NTRK3: variants seen among roughly 807,000 people sequenced by gnomAD.
The protein encoded by NTRK3 is neurotrophic receptor tyrosine kinase 3, also known as NT-3 growth factor receptor.
Under a neutral mutation model 91.7 loss-of-function variants are expected in NTRK3, and 24 were observed. That is an observed-to-expected ratio of 0.26 (90% CI 0.19 to 0.37). NTRK3 has a LOEUF of 0.37. Among genes scored for constraint, NTRK3 ranks in the 10% least tolerant of loss-of-function variants. The pLI is 1.00. For missense variants in NTRK3, 880 were observed against 1,068.9 expected, an observed-to-expected ratio of 0.82 and a Z score of 2.46; for synonymous variants, 483 against 404.0, an observed-to-expected ratio of 1.20 and a Z score of -2.34.
At chr15:88,012,000 C>T (rs913130728) in intron 14 of NTRK3, among the ~76,000 whole-genome samples, 2 of 152,190 alleles carry the variant, frequency 1.3e-5, no homozygotes, top group African/African-American at 4.8e-5. Context: ...ATTAGTCCCA[C>T]CTTATGACAG....
intron 6 of NTRK3, among the ~76,000 whole-genome samples, chr15:88,138,216 A>C (rs79072585): frequency 1.5e-3 from 235 of 151,828 alleles, no homozygotes; most frequent in African/African-American, 5.4e-3. Flanking sequence ...ATCCGGATTA[A>C]CACTGTGAAA....
chr15:88,076,891 G>C lies in NTRK3; in HGVS notation c.1397-43846C>G, dbSNP rs576709059. ...GTGGATCACCTGAGGTCAGGAGTTT[G>C]AGACCAGCCTGGTGAACATGGTGAA... On this transcript the variant is annotated intron_variant, in intron 13 of 18. Coordinates refer to ENST00000394480, the Ensembl canonical transcript of NTRK3. Among the ~76,000 whole-genome samples the C allele has an allele frequency of 3.1e-4, 47 of 152,140 alleles. No homozygotes were observed. The South Asian group carries it at 3.3e-3, about 11-fold the overall frequency.
At chr15:88,198,640 G>T (rs946433329) in intron 3 of NTRK3, among the ~76,000 whole-genome samples, 6 of 152,164 alleles carry the variant, frequency 3.9e-5, no homozygotes, top group African/African-American at 1.4e-4. Context: ...TGACAACAAA[G>T]TCTGCTGCAT....
chr15:88,248,462 T>A (rs1053084433), intron 3 of NTRK3, among the ~76,000 whole-genome samples: 1 of 152,226 alleles, frequency 6.6e-6, no homozygotes. Flanking sequence ...TAAATGATTC[T>A]CCTAGACTTT....
intron 13 of NTRK3, among the ~76,000 whole-genome samples, chr15:88,075,514 G>A (rs141793889): frequency 6.4e-4 from 98 of 152,226 alleles, no homozygotes; most frequent in African/African-American, 2.2e-3. Flanking sequence ...TCCCTAAAGA[G>A]GACCCCAGCA....
chr15:88,172,975 T>C (rs1208981165), intron 5 of NTRK3, among the ~76,000 whole-genome samples: 1 of 152,154 alleles, frequency 6.6e-6, no homozygotes, highest in African/African-American at 2.4e-5. Flanking sequence ...TTTACTTTCT[T>C]TGGAGGCAGC....
At chr15:88,127,107 G>C in intron 12 of NTRK3, 55 bp downstream of exon 12, 2 of 1,441,916 alleles carry the variant, frequency 1.4e-6, no homozygotes, top group Non-Finnish European at 1.9e-6. Context: ...CACAAATGAA[G>C]TCTGAAAATG....
chr15:88,017,081 C>T (rs1050401462), intron 14 of NTRK3, among the ~76,000 whole-genome samples: 5 of 151,910 alleles, frequency 3.3e-5, no homozygotes, highest in Admixed American at 1.3e-4. Context: ...TTCTGATCTA[C>T]CTTGCACCAA....
chr15:87,990,749 T>C (rs2075224216), intron 14 of NTRK3, among the ~76,000 whole-genome samples: 1 of 152,172 alleles, frequency 6.6e-6, no homozygotes, highest in African/African-American at 2.4e-5. Context: ...TGTACAGAAA[T>C]CTATATATGT....
chr15:88,141,258 ACG>A (rs1415530744), intron 6 of NTRK3, among the ~76,000 whole-genome samples: 3 of 152,304 alleles, frequency 2.0e-5, no homozygotes, highest in Non-Finnish European at 4.4e-5. Flanking sequence ...AAAAAATGAG[ACG>A]AACATAATAG....
rs527896495 is a variant in NTRK3 at position 88,039,011 on chromosome 15, G to A, written c.1397-5966C>T. Among the ~76,000 whole-genome samples, 21 of 152,130 alleles carry A rather than the reference G, an allele frequency of 1.4e-4. No individual in the cohort carries two copies. In the East Asian group the frequency reaches 3.9e-3, roughly 28 times the overall value. ...ATAGTGAAGGAGGGAAAAGTAATAG[G>A]GGGAAAAATATCTCAACTGTCTGGG... On this transcript the variant is annotated intron_variant, in intron 13 of 18. Coordinates refer to ENST00000394480, the Ensembl canonical transcript of NTRK3.
intron 17 of NTRK3, among the ~76,000 whole-genome samples, chr15:87,910,640 A>G (rs1596206296): frequency 6.6e-6 from 1 of 152,332 alleles, no homozygotes; most frequent in East Asian, 1.9e-4. Flanking sequence ...ATGTGAGTGC[A>G]TGAGGTTTGC....
intron 5 of NTRK3, among the ~76,000 whole-genome samples, chr15:88,166,136 C>T (rs551646215): frequency 6.6e-6 from 1 of 152,150 alleles, no homozygotes; most frequent in Non-Finnish European, 1.5e-5. Context: ...ACCCTGGGAG[C>T]TCTGGTCTGG....
intron 3 of NTRK3, among the ~76,000 whole-genome samples, chr15:88,236,615 A>G (rs1374884079): frequency 1.3e-5 from 2 of 150,782 alleles, no homozygotes; most frequent in Admixed American, 6.6e-5. Context: ...ACAGAGGGAT[A>G]TAATGGACTT....
chr15:87,865,853 A>C (rs2064658132), exon 19 of NTRK3: 1 of 228,884 alleles, frequency 4.4e-6, no homozygotes, highest in Non-Finnish European at 8.7e-6. Context: ...TTTTTAGAGC[A>C]TTCTCCATCA....
intron 13 of NTRK3, among the ~76,000 whole-genome samples, chr15:88,069,123 G>C (rs1025552492): frequency 3.9e-5 from 6 of 152,202 alleles, no homozygotes; most frequent in Admixed American, 3.3e-4. Context: ...CTCAGATCTT[G>C]AAACTTCAGT....
rs998252445 is a variant in NTRK3, at chr15:88,124,449, C to T, written c.1396+1822G>A. Among the ~76,000 whole-genome samples the T allele has an allele frequency of 3.9e-5, 6 of 152,352 alleles. No individual in the cohort carries two copies. In the South Asian group the frequency reaches 1.0e-3, roughly 26 times the overall value. On this transcript the variant is annotated intron_variant, in intron 13 of 18. Transcript: ENST00000394480. ...AATTAATAGGAAAAATCTGCTCTTA[C>T]AGCACTGCCAAGCATGTCGCAGGGT...
At chr15:88,137,968 T>C (rs7175374) in intron 6 of NTRK3, among the ~76,000 whole-genome samples, 40,165 of 150,020 alleles carry the variant, frequency 0.27, 5,390 homozygotes, top group Non-Finnish European at 0.29. Context: ...GGAGAATCGC[T>C]TGAACCCAGG....
chr15:87,878,823 T>A (rs924320446), intron 18 of NTRK3, among the ~76,000 whole-genome samples: 1 of 151,928 alleles, frequency 6.6e-6, no homozygotes, highest in African/African-American at 2.4e-5. Context: ...AGTCTTCTGT[T>A]AAGACCAATA....
Sources: allele counts gnomAD v4.1 joint callset (sites outside exome capture counted in the v4.1 genomes callset), GRCh38; gene constraint gnomAD v4.1.1; transcripts MANE v1.5; gene names NCBI Gene and HGNC (gene_info 2026-07-23, HGNC 2026-07-21).